The following COL24A1 variants were observed in gnomAD, a reference collection of about 807,000 sequenced individuals.
The protein encoded by COL24A1 is collagen alpha-1(XXIV) chain.
Under a neutral mutation model 253.9 loss-of-function variants are expected in COL24A1, and 224 were observed. That is an observed-to-expected ratio of 0.88 (90% CI 0.79 to 0.99). COL24A1 has a LOEUF of 0.99. COL24A1 is among the 50% of genes least tolerant of loss of function. The pLI, the probability that COL24A1 is intolerant of heterozygous loss-of-function variation, is 0.00. For synonymous variants in COL24A1, 685 were observed against 673.7 expected, an observed-to-expected ratio of 1.02 and a Z score of -0.26; for missense variants, 2,131 against 2,068.5, an observed-to-expected ratio of 1.03 and a Z score of -0.59.
At chr1:85,921,553 C>A (rs142739092) in intron 24 of COL24A1, among the ~76,000 whole-genome samples, 1 of 152,174 alleles carries the variant, frequency 6.6e-6, no homozygotes, top group East Asian at 1.9e-4. Flanking sequence ...GGACCTCCAG[C>A]AAACTCCAAC....
chr1:86,101,245 G>A (rs893645364), intron 5 of COL24A1, among the ~76,000 whole-genome samples: 1 of 152,154 alleles, frequency 6.6e-6, no homozygotes, highest in Admixed American at 6.5e-5. Flanking sequence ...GATGATCAAT[G>A]ACTTTGTTGA....
chr1:85,868,426 T>C (rs1348354906), intron 37 of COL24A1, 93 bp downstream of exon 37: 8 of 792,814 alleles, frequency 1.0e-5, no homozygotes, highest in Middle Eastern at 2.3e-4. Flanking sequence ...ACTGGATATA[T>C]AAGGAGGTCA....
At chr1:85,884,860 T>TAAGAACA (rs1285115640) in intron 32 of COL24A1, among the ~76,000 whole-genome samples, 1 of 152,146 alleles carries the variant, frequency 6.6e-6, no homozygotes, top group African/African-American at 2.4e-5. Context: ...ATCTTTAAAG[T>TAAGAACA]AAGAACCTGT....
intron 7 of COL24A1, among the ~76,000 whole-genome samples, chr1:86,088,691 C>G (rs1285068327): frequency 2.0e-5 from 3 of 152,102 alleles, no homozygotes; most frequent in Admixed American, 1.3e-4. Context: ...TACCTCAAGA[C>G]AGAGATTATT....
intron 24 of COL24A1, among the ~76,000 whole-genome samples, chr1:85,921,748 G>C (rs1686525217): frequency 6.6e-6 from 1 of 152,134 alleles, no homozygotes. Context: ...ATTCCACAGA[G>C]TGCCTCTTCC....
At chr1:85,785,635 T>C (rs1382249077) in intron 48 of COL24A1, among the ~76,000 whole-genome samples, 3 of 152,236 alleles carry the variant, frequency 2.0e-5, no homozygotes, top group Non-Finnish European at 2.9e-5. Flanking sequence ...AGACTAATAT[T>C]GTAAACAGTA....
At chr1:85,997,646 G>T (rs547247320) in intron 19 of COL24A1, among the ~76,000 whole-genome samples, 3 of 151,942 alleles carry the variant, frequency 2.0e-5, no homozygotes, top group Admixed American at 1.3e-4. Flanking sequence ...AGCTGGGTGC[G>T]GTGACATGCG....
At chr1:86,070,519 T>C (rs1268025652) in intron 7 of COL24A1, among the ~76,000 whole-genome samples, 1 of 152,180 alleles carries the variant, frequency 6.6e-6, no homozygotes, top group South Asian at 2.1e-4. Context: ...CTAAAAAGAC[T>C]ACCTCAAGGT....
At position 85,827,409 on chromosome 1, in the gene COL24A1, C is replaced by T. The variant is rs1266922073; in HGVS notation, c.3682-3671G>A. ...TCTCTTTTTTGGTTGTGTCTCTGCC[C>T]GGCTTTGGTATCAGGATGATGCTGG... On this transcript the variant is annotated intron_variant, in intron 43 of 59. Coordinates refer to ENST00000370571, the MANE Select transcript of COL24A1 (RefSeq NM_152890.7). 5.1e-5 allele frequency among the ~76,000 whole-genome samples: 7 copies of T among 137,124 alleles called. No homozygotes were observed. In the South Asian group the frequency reaches 9.5e-4, roughly 19 times the overall value. 90.0% of individuals were successfully genotyped at this position (137,124 alleles called of 152,430 possible).
Position 85,847,582 on chromosome 1 carries a change from T to C in COL24A1, c.3462+83A>G, listed in dbSNP as rs977303612. 10 of 916,186 alleles carry C rather than the reference T, an allele frequency of 1.1e-5. No homozygotes were observed. The East Asian group carries it at 2.4e-4, about 22-fold the overall frequency. The allele number at this position is 916,186 out of a possible 1,614,324, so 56.8% of individuals were successfully genotyped here. ...ACTATTGCTTTGTCTGTAAAGCTAA[T>C]CAAGGGATGAAACTTTAAGGGCATG... On this transcript the variant is annotated intron_variant, in intron 39 of 59. Transcript: ENST00000370571.
At chr1:85,896,250 C>G in intron 29 of COL24A1, 106 bp downstream of exon 29, 1 of 1,276,570 alleles carries the variant, frequency 7.8e-7, no homozygotes, top group East Asian at 2.3e-5. Context: ...AAAGAGAAAA[C>G]TTAGAACCAT....
chr1:86,018,633 T>C (rs1697212683), intron 18 of COL24A1, among the ~76,000 whole-genome samples: 1 of 152,244 alleles, frequency 6.6e-6, no homozygotes, highest in African/African-American at 2.4e-5. Context: ...TTTTATTTGA[T>C]CTTCAGAATA....
At chr1:85,772,250 C>T (rs548093388) in intron 53 of COL24A1, among the ~76,000 whole-genome samples, 2 of 151,774 alleles carry the variant, frequency 1.3e-5, no homozygotes, top group East Asian at 2.0e-4. Context: ...ATCAAAACTA[C>T]AATGAGATAC....
In COL24A1 at chr1:86,003,927, C is replaced by T. The variant is rs1695685333; in HGVS notation, c.2310+13224G>A. Among the ~76,000 whole-genome samples, 3 of 152,250 alleles carry T rather than the reference C, an allele frequency of 2.0e-5. No homozygotes were observed. In the South Asian group the frequency reaches 6.2e-4, roughly 32 times the overall value. Reference sequence around the variant, plus strand: ...AGGAGGTTATAAAAAACCAAGTAGACAAAATGACTTGGCCAGTTGACATTA... The same window carrying T: ...AGGAGGTTATAAAAAACCAAGTAGATAAAATGACTTGGCCAGTTGACATTA... On this transcript the variant is annotated intron_variant, in intron 19 of 59. Transcript: ENST00000370571.
At chr1:85,821,420 C>T (rs946121098) in intron 45 of COL24A1, among the ~76,000 whole-genome samples, 3 of 152,154 alleles carry the variant, frequency 2.0e-5, no homozygotes, top group African/African-American at 7.2e-5. Context: ...CTCATAATCT[C>T]TCTGGGATTT....
intron 22 of COL24A1, among the ~76,000 whole-genome samples, chr1:85,967,004 A>G (rs936691492): frequency 1.5e-4 from 23 of 152,228 alleles, no homozygotes; most frequent in African/African-American, 5.5e-4. Flanking sequence ...AGAGAAAAGA[A>G]TATGTAGGAG....
At chr1:85,927,650 C>T (rs1687461207) in intron 24 of COL24A1, among the ~76,000 whole-genome samples, 1 of 81,022 alleles carries the variant, frequency 1.2e-5, no homozygotes, top group South Asian at 5.6e-4. Context: ...AACAAAAAGA[C>T]AGCAGTAACC....
intron 2 of COL24A1, among the ~76,000 whole-genome samples, chr1:86,130,415 T>A (rs989914047): frequency 4.0e-5 from 6 of 151,896 alleles, no homozygotes; most frequent in Non-Finnish European, 7.4e-5. Context: ...TTTTTTGAAG[T>A]CTTTCACTAT....
At chr1:85,975,932 C>A (rs1261060791) in intron 20 of COL24A1, among the ~76,000 whole-genome samples, 2 of 152,136 alleles carry the variant, frequency 1.3e-5, no homozygotes, top group Non-Finnish European at 2.9e-5. Flanking sequence ...AAAGTAGAAG[C>A]AGCAGCAGGA....
Sources: allele counts gnomAD v4.1 joint callset (sites outside exome capture counted in the v4.1 genomes callset), GRCh38; gene constraint gnomAD v4.1.1; transcripts MANE v1.5; gene names NCBI Gene and HGNC (gene_info 2026-07-23, HGNC 2026-07-21).